TENM4: variants seen among roughly 807,000 people sequenced by gnomAD.
TENM4 encodes the protein teneurin transmembrane protein 4.
Under a neutral mutation model 243.3 loss-of-function variants are expected in TENM4, and 82 were observed. That is an observed-to-expected ratio of 0.34 (90% CI 0.28 to 0.40). The LOEUF is 0.40. Among genes scored for constraint, TENM4 ranks in the 10% least tolerant of loss-of-function variants. The probability of loss-of-function intolerance (pLI) is 1.00; values close to 1 mark genes in which losing one functional copy is unlikely to be tolerated. For missense variants in TENM4, 3,138 were observed against 3,673.3 expected (o/e 0.85, Z 3.77); for synonymous variants, 1,412 against 1,456.3 (o/e 0.97, Z 0.69).
intron 6 of TENM4, among the ~76,000 whole-genome samples, chr11:78,936,201 T>C (rs1263034197): frequency 6.6e-6 from 1 of 152,224 alleles, no homozygotes; most frequent in Non-Finnish European, 1.5e-5. Context: ...GGAATGAGTC[T>C]TATCATTCCT....
chr11:79,403,850 A>G (rs2135560168), intron 1 of TENM4, among the ~76,000 whole-genome samples: 1 of 152,270 alleles, frequency 6.6e-6, no homozygotes, highest in South Asian at 2.1e-4. Flanking sequence ...GTCTTATCTC[A>G]TTTAATCCTC....
chr11:79,104,865 T>G (rs1426061280), intron 4 of TENM4, among the ~76,000 whole-genome samples: 1 of 152,208 alleles, frequency 6.6e-6, no homozygotes, highest in Non-Finnish European at 1.5e-5. Context: ...GGAGGTGGGC[T>G]CATCTCCATC....
intron 4 of TENM4, among the ~76,000 whole-genome samples, chr11:79,124,027 C>G (rs1861807176): frequency 1.3e-5 from 2 of 152,180 alleles, no homozygotes; most frequent in Non-Finnish European, 2.9e-5. Flanking sequence ...AGCTTGGGAG[C>G]CTGGGATATT....
At chr11:78,734,055 G>A (rs1233948208) in intron 20 of TENM4, among the ~76,000 whole-genome samples, 1 of 152,134 alleles carries the variant, frequency 6.6e-6, no homozygotes, top group Non-Finnish European at 1.5e-5. Flanking sequence ...TGAACTAAGT[G>A]ATGGTGGGTG....
intron 2 of TENM4, among the ~76,000 whole-genome samples, chr11:79,219,014 C>T (rs372987920): frequency 1.1e-4 from 16 of 152,126 alleles, no homozygotes; most frequent in East Asian, 3.9e-4. Flanking sequence ...GACATAGCCA[C>T]GGAGAACTAT....
At chr11:79,109,248 T>C (rs1344225825) in intron 4 of TENM4, among the ~76,000 whole-genome samples, 1 of 152,170 alleles carries the variant, frequency 6.6e-6, no homozygotes, top group Non-Finnish European at 1.5e-5. Flanking sequence ...TTTTAAAATA[T>C]GATTAATATA....
chr11:79,360,820 C>A (rs1051075624), intron 1 of TENM4, among the ~76,000 whole-genome samples: 12 of 152,194 alleles, frequency 7.9e-5, no homozygotes, highest in Non-Finnish European at 1.6e-4. Flanking sequence ...TAACCCACAA[C>A]TACAATGCAA....
intron 22 of TENM4, 143 bp from the exon 23 acceptor site, chr11:78,726,365 G>C: frequency 1.0e-6 from 1 of 976,186 alleles, no homozygotes; most frequent in Non-Finnish European, 1.5e-6. Context: ...AGAACGATGT[G>C]AAACACTAAC....
At chr11:79,317,359 T>A (rs1856819565) in intron 1 of TENM4, among the ~76,000 whole-genome samples, 1 of 152,122 alleles carries the variant, frequency 6.6e-6, no homozygotes, top group Non-Finnish European at 1.5e-5. Flanking sequence ...AAGTGATATA[T>A]CTGTAATCTA....
intron 1 of TENM4, among the ~76,000 whole-genome samples, chr11:79,377,393 C>A (rs1472893298): frequency 6.6e-6 from 1 of 152,140 alleles, no homozygotes; most frequent in Non-Finnish European, 1.5e-5. Flanking sequence ...GCATGTCATC[C>A]CAGCTCTGAA....
At chr11:78,837,742 T>C (rs1858150160) in intron 12 of TENM4, among the ~76,000 whole-genome samples, 1 of 152,246 alleles carries the variant, frequency 6.6e-6, no homozygotes, top group African/African-American at 2.4e-5. Context: ...ACTTCTGTTT[T>C]CTTTCTCTTG....
intron 1 of TENM4, among the ~76,000 whole-genome samples, chr11:79,315,628 C>T (rs576648352): frequency 5.3e-5 from 8 of 152,310 alleles, no homozygotes; most frequent in African/African-American, 1.2e-4. Flanking sequence ...CATGCAGAAT[C>T]GTGGGTCCCA....
In TENM4 at chr11:78,891,324, C is replaced by A. The variant is rs1291073875; in HGVS notation, c.762G>T (p.Lys254Asn). The A allele has an allele frequency of 5.2e-6, 8 of 1,551,454 alleles. No homozygotes were observed. The highest frequency in any genetic ancestry group is 1.4e-5 in the African/African-American group (1 of 73,060). ...CCTGCAATGTCCCTAGGAATGGCTG[C>A]TTGCCTAGGTTTCTACGCACACATG... ...NIPLETRNLG[K>N]QPFLGTLQDN... Residue 254 changes from lysine to asparagine, a missense_variant, in exon 8 of 34, where the codon AAG becomes AAT. By Grantham distance (94) the Lys-to-Asn change is moderately conservative. This residue lies in a region of TENM4 where 671 missense variants were observed against 614.1 expected (regional missense o/e 1.09). Transcript: ENST00000278550.
chr11:79,132,817 C>A (rs1449884051), intron 4 of TENM4, among the ~76,000 whole-genome samples: 1 of 152,004 alleles, frequency 6.6e-6, no homozygotes, highest in Admixed American at 6.6e-5. Context: ...ATGACACAAC[C>A]TATCAACACC....
Position 79,123,253 on chromosome 11 carries a change from T to C in TENM4, c.-66+25457A>G, listed in dbSNP as rs181396996. On this transcript the variant is annotated intron_variant, in intron 4 of 33. Coordinates refer to ENST00000278550, the MANE Select transcript of TENM4 (RefSeq NM_001098816.3). ...TTAACACATTTAATCCTGGGCGTTA[T>C]TGAGCTGGACACTAAATAGTTATAG... Among the ~76,000 whole-genome samples, 275 of 152,308 alleles carry C rather than the reference T, an allele frequency of 1.8e-3. 2 individuals are homozygous for C. The highest frequency in any genetic ancestry group is 2.3e-3 in the Non-Finnish European group (154 of 68,028).
In TENM4 at chr11:78,672,176, T is replaced by C. The variant is rs767337464; in HGVS notation, c.5650A>G (p.Asn1884Asp). ...WSPSSRLNGV[N>D]VTYSPGGYIA... ...TAACCCCCAGGGGAGTATGTCACGTTGACACCATTCAGCCTGCTGCTGGGT... is the reference window on the plus strand; with the variant it reads ...TAACCCCCAGGGGAGTATGTCACGTCGACACCATTCAGCCTGCTGCTGGGT... Residue 1884 changes from asparagine to aspartate, a missense_variant, in exon 31 of 34, where the codon AAC becomes GAC. By Grantham distance (23) the Asn-to-Asp change is conservative (BLOSUM62 1). Around this residue, in one of 2 missense-constraint regions of TENM4, gnomAD observed 2,467 missense variants for 3,059.1 expected, o/e 0.81. Coordinates refer to ENST00000278550, the MANE Select transcript of TENM4 (RefSeq NM_001098816.3). 23 of 1,613,778 alleles carry C rather than the reference T, an allele frequency of 1.4e-5. No homozygotes were observed. The Admixed American group carries it at 3.8e-4, about 27-fold the overall frequency.
intron 6 of TENM4, among the ~76,000 whole-genome samples, chr11:79,047,148 C>T (rs1318932087): frequency 2.0e-5 from 3 of 152,126 alleles, no homozygotes; most frequent in Admixed American, 1.3e-4. Context: ...AATTACTTTG[C>T]GCCAACCTAA....
At chr11:79,116,611 CACTA>C (rs1361768695) in intron 4 of TENM4, among the ~76,000 whole-genome samples, 3 of 152,234 alleles carry the variant, frequency 2.0e-5, no homozygotes, top group African/African-American at 7.2e-5. Flanking sequence ...ATGTTGAACA[CACTA>C]GGTGATAGTT....
chr11:78,756,967 A>G lies in TENM4; in HGVS notation c.2594T>C (p.Ile865Thr), dbSNP rs766114047. Residue 865 changes from isoleucine (I) to threonine (T), a missense_variant, in exon 19 of 34, where the codon ATC becomes ACC. Physicochemically the swap from Ile to Thr is moderately conservative, Grantham distance 89. This residue lies in a region of TENM4 where 2,467 missense variants were observed against 3,059.1 expected (regional missense o/e 0.81). Coordinates refer to ENST00000278550, the MANE Select transcript of TENM4 (RefSeq NM_001098816.3). ...PDCCLQPLCH[I>T]NPLCLGSPNP... The stretch of plus-strand genomic sequence containing the variant: ...AGGGGAGCCAAGGCACAGCGGGTTG[A>G]TATGGCACAGGGGCTGGAGGCAGCA... 3.1e-6 allele frequency: 5 copies of G among 1,613,844 alleles called. No homozygotes were observed. The highest frequency in any genetic ancestry group is 4.2e-6 in the Non-Finnish European group (5 of 1,179,892).
Sources: allele counts gnomAD v4.1 joint callset (sites outside exome capture counted in the v4.1 genomes callset), GRCh38; gene constraint gnomAD v4.1.1; regional missense constraint gnomAD v4.1.1; transcripts MANE v1.5; gene names NCBI Gene and HGNC (gene_info 2026-07-23, HGNC 2026-07-21).